Variants in MARCHF1 observed in about 807,000 individuals in gnomAD.
The protein encoded by MARCHF1 is membrane associated ring-CH-type finger 1, also known as E3 ubiquitin-protein ligase MARCHF1.
In MARCHF1, 40 loss-of-function variants were observed where a neutral mutation model predicts 54.2. That is an observed-to-expected ratio of 0.74 (90% CI 0.57 to 0.96). MARCHF1 has a LOEUF of 0.96. MARCHF1 is among the 40% of genes least tolerant of loss of function. The probability of loss-of-function intolerance (pLI) is 0.00; values close to 1 mark genes in which losing one functional copy is unlikely to be tolerated. For synonymous variants in MARCHF1, 236 were observed against 236.3 expected (o/e 1.00, Z 0.01); for missense variants, 586 against 656.5 (o/e 0.89, Z 1.17).
At chr4:163,628,971 C>T (rs961120951) in intron 5 of MARCHF1, among the ~76,000 whole-genome samples, 2 of 152,188 alleles carry the variant, frequency 1.3e-5, no homozygotes, top group South Asian at 2.1e-4. Flanking sequence ...AATGGCCATA[C>T]TGCCCAAAGT....
Position 163,988,725 on chromosome 4 carries a change from A to G in MARCHF1, c.-247-16T>C, listed in dbSNP as rs1468311325. On this transcript the variant is annotated splice_polypyrimidine_tract_variant and intron_variant, in intron 2 of 9. Transcript: ENST00000514618. ...AAGCTCAGGTCTAAACAAAGAGGGG[A>G]AAAATAGTGTTTGAGACACTGTGCA... 1 of 152,200 alleles carries G rather than the reference A, an allele frequency of 6.6e-6. No homozygotes were observed. Among genetic ancestry groups the G allele is most frequent in the Non-Finnish European group, 1.5e-5 (1 of 68,054 alleles). The allele number at this position is 152,200 out of a possible 1,614,324, so 9.4% of individuals were successfully genotyped here.
At chr4:163,920,296 C>A (rs1579392698) in intron 3 of MARCHF1, among the ~76,000 whole-genome samples, 1 of 152,130 alleles carries the variant, frequency 6.6e-6, no homozygotes, top group Non-Finnish European at 1.5e-5. Context: ...TGTGTAAGAA[C>A]CCAGATAACC....
intron 4 of MARCHF1, among the ~76,000 whole-genome samples, chr4:163,810,213 G>A (rs1280364313): frequency 6.6e-6 from 1 of 152,162 alleles, no homozygotes; most frequent in Non-Finnish European, 1.5e-5. Flanking sequence ...AAAGTTCAAT[G>A]TATAAATCCA....
At chr4:164,090,567 C>A (rs1469330493) in intron 2 of MARCHF1, among the ~76,000 whole-genome samples, 1 of 151,854 alleles carries the variant, frequency 6.6e-6, no homozygotes. Flanking sequence ...TTTATAGCTT[C>A]ACAATAAAAT....
At chr4:163,840,642 G>A (rs868398123) in intron 4 of MARCHF1, among the ~76,000 whole-genome samples, 11 of 152,174 alleles carry the variant, frequency 7.2e-5, no homozygotes, top group African/African-American at 2.6e-4. Flanking sequence ...GGGCTGGAAG[G>A]TGGCGGAAAA....
chr4:164,323,792 C>T (rs1244670562), intron 1 of MARCHF1, among the ~76,000 whole-genome samples: 5 of 151,552 alleles, frequency 3.3e-5, no homozygotes, highest in East Asian at 3.9e-4. Flanking sequence ...GGACCTAAGA[C>T]GTGGAAAATT....
At chr4:163,928,307 G>A (rs1751582285) in intron 3 of MARCHF1, among the ~76,000 whole-genome samples, 1 of 151,858 alleles carries the variant, frequency 6.6e-6, no homozygotes, top group Non-Finnish European at 1.5e-5. Flanking sequence ...GCCTTTGATT[G>A]AAGATGCTAC....
intron 3 of MARCHF1, among the ~76,000 whole-genome samples, chr4:163,867,510 T>G (rs1465095594): frequency 6.6e-6 from 1 of 151,604 alleles, no homozygotes; most frequent in East Asian, 1.9e-4. Flanking sequence ...TATAATCTAA[T>G]TAGAATTAAT....
intron 3 of MARCHF1, among the ~76,000 whole-genome samples, chr4:163,943,566 G>A (rs1751958725): frequency 6.6e-6 from 1 of 151,946 alleles, no homozygotes; most frequent in Admixed American, 6.6e-5. Context: ...AGTATACCAA[G>A]CTGTTTTGGT....
chr4:163,566,480 G>A (rs1327611029), intron 8 of MARCHF1, among the ~76,000 whole-genome samples: 1 of 152,202 alleles, frequency 6.6e-6, no homozygotes, highest in African/African-American at 2.4e-5. Flanking sequence ...CCTGTGCAGG[G>A]CCAAGGTAAC....
At chr4:164,133,567 A>C (rs1363185275) in intron 1 of MARCHF1, among the ~76,000 whole-genome samples, 1 of 152,200 alleles carries the variant, frequency 6.6e-6, no homozygotes, top group Non-Finnish European at 1.5e-5. Flanking sequence ...CAGAGAATGA[A>C]ATCTTGCCTA....
chr4:164,364,968 T>G (rs1483513559), intron 1 of MARCHF1, among the ~76,000 whole-genome samples: 1 of 152,018 alleles, frequency 6.6e-6, no homozygotes, highest in Non-Finnish European at 1.5e-5. Flanking sequence ...AAACTGAAGA[T>G]TCATACCACA....
intron 2 of MARCHF1, among the ~76,000 whole-genome samples, chr4:164,080,215 C>G (rs1189537209): frequency 6.6e-6 from 1 of 152,198 alleles, no homozygotes; most frequent in African/African-American, 2.4e-5. Flanking sequence ...CTTTCAAGAT[C>G]TGAGCTGACA....
chr4:164,382,152 T>G (rs1188275319), intron 1 of MARCHF1, among the ~76,000 whole-genome samples: 2 of 152,218 alleles, frequency 1.3e-5, no homozygotes, highest in African/African-American at 4.8e-5. Flanking sequence ...CCTCCCTGTA[T>G]TATCTCACCC....
At chr4:164,230,337 G>T (rs13117616) in intron 1 of MARCHF1, among the ~76,000 whole-genome samples, 93,548 of 150,956 alleles carry the variant, frequency 0.62, 29,917 homozygotes, top group Non-Finnish European at 0.71. Context: ...GGAGGTTGCA[G>T]TGAGCCAAGG....
At chr4:163,972,660 C>A (rs529123221) in intron 3 of MARCHF1, among the ~76,000 whole-genome samples, 1 of 152,126 alleles carries the variant, frequency 6.6e-6, no homozygotes, top group South Asian at 2.1e-4. Flanking sequence ...CATTCTCCTG[C>A]CTCAGCCTCC....
chr4:164,027,172 A>G (rs2110982231), intron 2 of MARCHF1, among the ~76,000 whole-genome samples: 1 of 152,054 alleles, frequency 6.6e-6, no homozygotes, highest in African/African-American at 2.4e-5. Context: ...AAAGCAATTT[A>G]CAGATTCAAT....
intron 1 of MARCHF1, among the ~76,000 whole-genome samples, chr4:164,345,185 A>G (rs1251333550): frequency 6.6e-6 from 1 of 152,186 alleles, no homozygotes; most frequent in East Asian, 1.9e-4. Flanking sequence ...CTATGTTAAT[A>G]CCCTGATCTG....
chr4:164,066,630 A>G (rs1184431081), intron 2 of MARCHF1, among the ~76,000 whole-genome samples: 4 of 152,244 alleles, frequency 2.6e-5, no homozygotes, highest in Non-Finnish European at 5.9e-5. Context: ...ATGCCCTTCA[A>G]TGATAGGCTG....
Sources: gnomAD v4.1 joint callset for allele counts (sites outside exome capture counted in the v4.1 genomes callset) on GRCh38, gnomAD v4.1.1 for gene constraint, MANE v1.5 for transcripts, NCBI Gene and HGNC (gene_info 2026-07-23, HGNC 2026-07-21) for gene names.